The following RPS20 variants were observed in gnomAD, a reference collection of about 807,000 sequenced individuals.
The protein encoded by RPS20 is small ribosomal subunit protein uS10.
RPS20 carries 3 observed loss-of-function variants against 15.3 expected under a neutral mutation model. That is an observed-to-expected ratio of 0.20 (90% CI 0.09 to 0.51). The LOEUF is 0.51. Among genes scored for constraint, RPS20 ranks in the 20% least tolerant of loss-of-function variants. RPS20 has a pLI of 0.96. For missense variants in RPS20, 67 were observed against 145.9 expected, an observed-to-expected ratio of 0.46 and a Z score of 2.79; for synonymous variants, 62 against 47.8, an observed-to-expected ratio of 1.30 and a Z score of -1.23.
At chr8:56,069,904 T>C, downstream of RPS20, 2 of 759,866 alleles carry the variant, frequency 2.6e-6, no homozygotes, top group Non-Finnish European at 4.7e-6. Flanking sequence ...TTTCTTGTCA[T>C]TATTCCCTGA....
downstream of RPS20, among the ~76,000 whole-genome samples, chr8:56,070,524 A>C (rs763235895): frequency 6.6e-6 from 1 of 152,158 alleles, no homozygotes; most frequent in Non-Finnish European, 1.5e-5. Context: ...TCGCCTGAGC[A>C]TAGGAGTTTG....
At chr8:56,070,367 T>C (rs1809717867), downstream of RPS20, among the ~76,000 whole-genome samples, 1 of 152,224 alleles carries the variant, frequency 6.6e-6, no homozygotes, top group Admixed American at 6.5e-5. Context: ...CTAGAGATTC[T>C]ACTTCTGTAC....
chr8:56,074,390 TGC>T lies in RPS20; in HGVS notation c.-9_-8del. On this transcript the variant is annotated 5_prime_UTR_variant, in exon 1 of 4. Coordinates refer to ENST00000009589, the MANE Select transcript of RPS20 (RefSeq NM_001023.4). ...CCGACTGCCGCCTCACCATGGCTGTTGCGCGCGGGCTTCCTGACCGACTTGTT... is the reference window on the plus strand; with the variant it reads ...CCGACTGCCGCCTCACCATGGCTGTTGCGCGGGCTTCCTGACCGACTTGTT... 1.3e-6 allele frequency: 2 copies of T among 1,560,166 alleles called. No individual in the cohort carries two copies. The highest frequency in any genetic ancestry group is 2.3e-5 in the South Asian group (2 of 86,998).
At chr8:56,069,876 ACAT>A, downstream of RPS20, 1 of 848,032 alleles carries the variant, frequency 1.2e-6, no homozygotes. Context: ...TCTCTACTGC[ACAT>A]GTATAGACAT....
At chr8:56,068,903 A>G (rs985981660), downstream of RPS20, among the ~76,000 whole-genome samples, 2 of 124,246 alleles carry the variant, frequency 1.6e-5, no homozygotes, top group Non-Finnish European at 3.1e-5. Flanking sequence ...GGTTCAAGTA[A>G]TTCTCATGCC....
downstream of RPS20, among the ~76,000 whole-genome samples, chr8:56,070,180 A>G (rs550069991): frequency 6.6e-6 from 1 of 152,270 alleles, no homozygotes; most frequent in African/African-American, 2.4e-5. Context: ...TCCCTTAACA[A>G]GTTAGTCTTG....
downstream of RPS20, among the ~76,000 whole-genome samples, chr8:56,071,807 T>G (rs1012855314): frequency 6.6e-6 from 1 of 152,194 alleles, no homozygotes; most frequent in African/African-American, 2.4e-5. Context: ...AAACTTGAAT[T>G]ACCCAACTTT....
At chr8:56,068,165 C>T (rs1809658803), downstream of RPS20, 1 of 152,152 alleles carries the variant, frequency 6.6e-6, no homozygotes, top group South Asian at 2.1e-4. Context: ...TCTCTCTCTA[C>T]TTTTGTGTAT....
downstream of RPS20, among the ~76,000 whole-genome samples, chr8:56,068,807 C>CTTTTTTTTT (rs61576194): frequency 2.7e-3 from 75 of 27,692 alleles, 28 homozygotes; most frequent in East Asian, 6.3e-3. Context: ...GTGAAAATAT[C>CTTTTTTTTT]TTTTTTTTTT....
downstream of RPS20, chr8:56,069,637 C>T (rs1035384836): frequency 9.5e-7 from 1 of 1,057,808 alleles, no homozygotes; most frequent in Non-Finnish European, 1.4e-6. Flanking sequence ...ATTTCATTTG[C>T]ATCCACTGAA....
chr8:56,071,542 G>C (rs545618088), downstream of RPS20, among the ~76,000 whole-genome samples: 1 of 152,284 alleles, frequency 6.6e-6, no homozygotes, highest in East Asian at 1.9e-4. Flanking sequence ...TTGGATGTTG[G>C]GTAACAGCAG....
Position 56,074,394 on chromosome 8 carries a change from C to A in RPS20, c.-11G>T. On this transcript the variant is annotated 5_prime_UTR_variant, in exon 1 of 4. Coordinates refer to ENST00000009589, the MANE Select transcript of RPS20 (RefSeq NM_001023.4). ...CTGCCGCCTCACCATGGCTGTTGCGCGCGGGCTTCCTGACCGACTTGTTCC... is the reference window on the plus strand; with the variant it reads ...CTGCCGCCTCACCATGGCTGTTGCGAGCGGGCTTCCTGACCGACTTGTTCC... 1 of 1,559,182 alleles carries A rather than the reference C, an allele frequency of 6.4e-7. No individual in the cohort carries two copies.
At chr8:56,073,929 G>A (rs1247465231) in intron 2 of RPS20, 131 bp downstream of exon 2, 1 of 1,105,898 alleles carries the variant, frequency 9.0e-7, no homozygotes, top group Non-Finnish European at 1.4e-6. Flanking sequence ...GCAATTTTAA[G>A]CCACGCTTTA....
In RPS20 at chr8:56,073,676, C is replaced by T. The variant is rs143312326; in HGVS notation, c.177+19G>A. 1.9e-4 allele frequency: 310 copies of T among 1,603,914 alleles called. No individual in the cohort carries two copies. The African/African-American group carries it at 3.3e-3, about 17-fold the overall frequency. On this transcript the variant is annotated intron_variant, in intron 3 of 3. Coordinates refer to ENST00000009589, the MANE Select transcript of RPS20 (RefSeq NM_001023.4). ...ATCCGGAAGCAACTCCTACTTCCTG[C>T]CCCTCCGATTTACTTTACCTTGGTA...
chr8:56,072,897 A>C (rs1259935681), downstream of RPS20: 3 of 1,340,102 alleles, frequency 2.2e-6, no homozygotes, highest in East Asian at 8.6e-5. Flanking sequence ...CATATTATGT[A>C]GTTAACGGAA....
chr8:56,067,357 T>C (rs969955570), exon 6 of RPS20: 3 of 152,160 alleles, frequency 2.0e-5, no homozygotes, highest in Non-Finnish European at 4.4e-5. Context: ...GTGGTATATA[T>C]ACATACATTG....
chr8:56,069,723 CGGA>C (rs555452545), downstream of RPS20: 35 of 1,550,792 alleles, frequency 2.3e-5, no homozygotes, highest in East Asian at 5.4e-4. Context: ...ACTTTTTTGG[CGGA>C]GGAGAATGCA....
downstream of RPS20, among the ~76,000 whole-genome samples, chr8:56,068,807 C>CTTTTTT (rs61576194): frequency 2.1e-3 from 59 of 27,692 alleles, 23 homozygotes; most frequent in African/African-American, 3.5e-3. Context: ...GTGAAAATAT[C>CTTTTTT]TTTTTTTTTT....
chr8:56,069,639 T>C, downstream of RPS20: 1 of 1,069,032 alleles, frequency 9.4e-7, no homozygotes, highest in Non-Finnish European at 1.4e-6. Flanking sequence ...TTCATTTGCA[T>C]CCACTGAAGT....
Sources: allele counts gnomAD v4.1 joint callset (sites outside exome capture counted in the v4.1 genomes callset), GRCh38; gene constraint gnomAD v4.1.1; transcripts MANE v1.5; gene names NCBI Gene and HGNC (gene_info 2026-07-23, HGNC 2026-07-21).